Variants in ZBTB20 observed in about 807,000 individuals in gnomAD.
The protein encoded by ZBTB20 is zinc finger and BTB domain containing 20.
A neutral mutation model predicts 56.9 loss-of-function variants in ZBTB20; 9 were observed. The ratio of observed to expected loss-of-function variants is 0.16; its 90% CI spans 0.10 to 0.28. The LOEUF is 0.28. Among genes scored for constraint, ZBTB20 ranks in the 10% least tolerant of loss-of-function variants. The pLI, the probability that ZBTB20 is intolerant of heterozygous loss-of-function variation, is 1.00. For missense variants in ZBTB20, 655 were observed against 1,003.0 expected (o/e 0.65, Z 4.69); for synonymous variants, 417 against 420.7 (o/e 0.99, Z 0.11).
At chr3:114,997,443 A>G (rs2079072617) in intron 2 of ZBTB20, among the ~76,000 whole-genome samples, 1 of 151,888 alleles carries the variant, frequency 6.6e-6, no homozygotes, top group Non-Finnish European at 1.5e-5. Context: ...CATGATTAGT[A>G]TAATCCAAAT....
chr3:114,637,486 C>G (rs2059339616), intron 6 of ZBTB20, among the ~76,000 whole-genome samples: 1 of 152,056 alleles, frequency 6.6e-6, no homozygotes, highest in Admixed American at 6.6e-5. Flanking sequence ...CTTAGGCATC[C>G]TAGGTTCCAG....
At chr3:114,680,559 C>T (rs1397563110) in intron 6 of ZBTB20, among the ~76,000 whole-genome samples, 1 of 152,208 alleles carries the variant, frequency 6.6e-6, no homozygotes, top group African/African-American at 2.4e-5. Flanking sequence ...AACCAGTGCT[C>T]AGTAACTATT....
At chr3:114,358,594 TG>T (rs1320882837) in intron 10 of ZBTB20, among the ~76,000 whole-genome samples, 1 of 152,180 alleles carries the variant, frequency 6.6e-6, no homozygotes, top group Non-Finnish European at 1.5e-5. Flanking sequence ...CCTGATTTTA[TG>T]TTAAGTCTGC....
At chr3:114,787,125 T>C (rs2070551963) in intron 5 of ZBTB20, among the ~76,000 whole-genome samples, 1 of 151,614 alleles carries the variant, frequency 6.6e-6, no homozygotes, top group Non-Finnish European at 1.5e-5. Context: ...CAGGTGCACA[T>C]CACCATGCCT....
intron 6 of ZBTB20, among the ~76,000 whole-genome samples, chr3:114,568,957 C>T (rs1278691965): frequency 6.6e-6 from 1 of 152,132 alleles, no homozygotes; most frequent in Non-Finnish European, 1.5e-5. Context: ...CCTGCCATAG[C>T]CCACCTGGCC....
chr3:115,136,045 A>G (rs2084644217), intron 1 of ZBTB20, among the ~76,000 whole-genome samples: 1 of 152,116 alleles, frequency 6.6e-6, no homozygotes, highest in African/African-American at 2.4e-5. Context: ...TCAGCAGATA[A>G]TATAATTCTG....
At chr3:114,680,128 C>T (rs1438752547) in intron 6 of ZBTB20, among the ~76,000 whole-genome samples, 1 of 152,056 alleles carries the variant, frequency 6.6e-6, no homozygotes, top group African/African-American at 2.4e-5. Context: ...CACACCAGGG[C>T]CTATCTGGGG....
chr3:115,108,201 GA>G (rs1190962098), intron 1 of ZBTB20, among the ~76,000 whole-genome samples: 1 of 151,416 alleles, frequency 6.6e-6, no homozygotes, highest in Non-Finnish European at 1.5e-5. Context: ...CATCATTTCT[GA>G]AAAGAAAATT....
At chr3:114,740,682 T>A (rs1391509979) in intron 5 of ZBTB20, among the ~76,000 whole-genome samples, 1 of 152,236 alleles carries the variant, frequency 6.6e-6, no homozygotes, top group African/African-American at 2.4e-5. Context: ...ATTCTGTGTT[T>A]ATATATTTTT....
At chr3:114,454,161 G>GA (rs2091833590) in intron 7 of ZBTB20, among the ~76,000 whole-genome samples, 2 of 127,882 alleles carry the variant, frequency 1.6e-5, no homozygotes, top group South Asian at 2.8e-4. Context: ...GAGGAAGAGA[G>GA]AGGAAAAGAG....
chr3:114,649,360 G>T (rs2060008286), intron 6 of ZBTB20, among the ~76,000 whole-genome samples: 1 of 151,886 alleles, frequency 6.6e-6, no homozygotes, highest in East Asian at 1.9e-4. Flanking sequence ...CACACAAAAG[G>T]GCTATTAAAA....
At chr3:114,465,194 T>C (rs1308603328) in intron 7 of ZBTB20, among the ~76,000 whole-genome samples, 1 of 152,180 alleles carries the variant, frequency 6.6e-6, no homozygotes, top group Non-Finnish European at 1.5e-5. Context: ...ATTAAGGATT[T>C]AGCTACAGTT....
intron 6 of ZBTB20, among the ~76,000 whole-genome samples, chr3:114,536,573 T>G (rs932055228): frequency 4.6e-5 from 7 of 152,122 alleles, no homozygotes; most frequent in Non-Finnish European, 8.8e-5. Flanking sequence ...CCAAAGTAAT[T>G]TATAGATTCA....
intron 3 of ZBTB20, among the ~76,000 whole-genome samples, chr3:114,972,366 C>T (rs566643261): frequency 1.3e-5 from 2 of 152,262 alleles, no homozygotes; most frequent in South Asian, 2.1e-4. Flanking sequence ...AAAAAACTAA[C>T]ATGGACTACA....
At chr3:115,057,853 C>T (rs1326652438) in intron 2 of ZBTB20, among the ~76,000 whole-genome samples, 1 of 152,038 alleles carries the variant, frequency 6.6e-6, no homozygotes, top group African/African-American at 2.4e-5. Context: ...CGTTCTCATG[C>T]TGCTAATAAA....
At chr3:114,675,433 G>A (rs2061577501) in intron 6 of ZBTB20, among the ~76,000 whole-genome samples, 1 of 152,026 alleles carries the variant, frequency 6.6e-6, no homozygotes, top group Non-Finnish European at 1.5e-5. Flanking sequence ...GCGAGCTGTA[G>A]GGTTAGCATT....
chr3:114,720,245 T>C (rs1249493648), intron 5 of ZBTB20, among the ~76,000 whole-genome samples: 3 of 149,332 alleles, frequency 2.0e-5, no homozygotes, highest in Non-Finnish European at 4.5e-5. Flanking sequence ...GTCTCTATTA[T>C]CTAAATATAT....
intron 4 of ZBTB20, among the ~76,000 whole-genome samples, chr3:114,824,481 AT>A (rs1157101049): frequency 1.4e-4 from 21 of 152,002 alleles, no homozygotes; most frequent in Non-Finnish European, 4.4e-5. Context: ...AATATCATTA[AT>A]TCAATGCCAC....
chr3:114,354,246 CT>C (rs947712047), intron 10 of ZBTB20, among the ~76,000 whole-genome samples: 9 of 152,200 alleles, frequency 5.9e-5, no homozygotes, highest in African/African-American at 2.2e-4. Flanking sequence ...ACCAAGGTCT[CT>C]TTCATTTAAG....
Sources: allele counts gnomAD v4.1 joint callset (sites outside exome capture counted in the v4.1 genomes callset), GRCh38; gene constraint gnomAD v4.1.1; transcripts MANE v1.5; gene names NCBI Gene and HGNC (gene_info 2026-07-23, HGNC 2026-07-21).